Variants in CPEB2 observed in about 807,000 individuals in gnomAD.
CPEB2 encodes the protein cytoplasmic polyadenylation element binding protein 2.
Under a neutral mutation model 93.6 loss-of-function variants are expected in CPEB2, and 56 were observed. The observed-to-expected ratio is 0.60, with a 90% CI of 0.48 to 0.75. The LOEUF (loss-of-function observed/expected upper bound fraction) is 0.75. Ranked by LOEUF, CPEB2 falls within the 30% of genes least tolerant of loss-of-function variation. CPEB2 has a pLI of 0.00. For synonymous variants in CPEB2, 764 were observed against 586.3 expected, an observed-to-expected ratio of 1.30 and a Z score of -4.38; for missense variants, 1,579 against 1,395.1, an observed-to-expected ratio of 1.13 and a Z score of -2.10.
Position 15,003,353 on chromosome 4 carries a change from G to T in CPEB2, c.680G>T (p.Arg227Leu). 1.4e-6 allele frequency: 2 copies of T among 1,389,644 alleles called. No homozygotes were observed. 86.1% of individuals were successfully genotyped at this position (1,389,644 alleles called of 1,614,324 possible). A position where few individuals can be genotyped will look rare whatever the true frequency, so the allele number is the denominator to read the frequency against. ...CTCCAGCCGGCGCAGCTCGCTCAGC[G>T]CCAGCAGCAACAGCCGCCGCAGCAG... is the stretch of plus-strand genomic sequence containing the variant. ...PLLQPAQLAQ[R>L]QQQQPPQQFS... The change falls in exon 1 of 12, where the codon CGC becomes CTC. Residue 227 changes from arginine to leucine, a missense_variant. Around this residue, in one of 2 missense-constraint regions of CPEB2, gnomAD observed 1,411 missense variants for 1,056.0 expected, o/e 1.34. Transcript: ENST00000538197.
chr4:15,061,515 T>C (rs1049510568), intron 10 of CPEB2, among the ~76,000 whole-genome samples: 1 of 151,560 alleles, frequency 6.6e-6, no homozygotes, highest in Non-Finnish European at 1.5e-5. Flanking sequence ...AGTGGAGTCA[T>C]GGTGTGATAG....
In CPEB2 at chr4:15,069,671, T is replaced by C. The variant is rs923504544; in HGVS notation, c.*3291T>C. ...TATTTTGTATTTTTATGTGGAAATA[T>C]ATAATTTTATGACACTAATTGCTAA... On this transcript the variant is annotated 3_prime_UTR_variant, in exon 12 of 12. Transcript: ENST00000538197. 3.9e-5 allele frequency: 6 copies of C among 152,202 alleles called. No homozygotes were observed. Among genetic ancestry groups the C allele is most frequent in the African/African-American group, 1.4e-4 (6 of 41,422 alleles). 9.4% of individuals were successfully genotyped at this position (152,202 alleles called of 1,614,324 possible). A position where few individuals can be genotyped will look rare whatever the true frequency, so the allele number is the denominator to read the frequency against.
intron 11 of CPEB2, among the ~76,000 whole-genome samples, chr4:15,062,945 G>A (rs1437871515): frequency 6.6e-6 from 1 of 151,990 alleles, no homozygotes. Flanking sequence ...AAAGACACTA[G>A]CATTCATTTA....
intron 4 of CPEB2, among the ~76,000 whole-genome samples, chr4:15,028,179 C>T (rs4367169): frequency 0.89 from 135,875 of 152,100 alleles, 61,653 homozygotes; most frequent in Non-Finnish European, 0.98. Flanking sequence ...AGTTCATTTC[C>T]TCTATTAACT....
At chr4:15,058,325 T>G (rs114804344) in intron 8 of CPEB2, 96 bp from the exon 9 acceptor site, 23,727 of 702,506 alleles carry the variant, frequency 0.034, 868 homozygotes, top group South Asian at 0.13. Flanking sequence ...TAGTTTGTTT[T>G]TTTTTTTCAA....
chr4:15,034,502 G>T (rs1726415535), intron 5 of CPEB2, among the ~76,000 whole-genome samples: 1 of 152,138 alleles, frequency 6.6e-6, no homozygotes, highest in African/African-American at 2.4e-5. Flanking sequence ...GGACAAGTCG[G>T]CTTTGTGTAT....
At chr4:15,042,175 C>A (rs1019964961) in intron 6 of CPEB2, among the ~76,000 whole-genome samples, 2 of 152,100 alleles carry the variant, frequency 1.3e-5, no homozygotes, top group African/African-American at 2.4e-5. Flanking sequence ...CCTTGTTAAA[C>A]ATTTTTCATC....
Position 15,069,353 on chromosome 4 carries a change from CAG to C in CPEB2, c.*2974_*2975del, listed in dbSNP as rs1310412438. On this transcript the variant is annotated 3_prime_UTR_variant, in exon 12 of 12. Transcript: ENST00000538197. The stretch of plus-strand genomic sequence containing the variant: ...TTTCTAATGTTTGTATAAAAAAAAA[CAG>C]TGTAAACCTTTTTAATGCAAATTTA... 2 of 152,086 alleles carry C rather than the reference CAG, an allele frequency of 1.3e-5. No individual in the cohort carries two copies. The highest frequency in any genetic ancestry group is 4.8e-5 in the African/African-American group (2 of 41,346). 9.4% of individuals were successfully genotyped at this position (152,086 alleles called of 1,614,324 possible). A position where few individuals can be genotyped will look rare whatever the true frequency, so the allele number is the denominator to read the frequency against.
intron 3 of CPEB2, among the ~76,000 whole-genome samples, chr4:15,010,313 A>G (rs922127447): frequency 6.6e-6 from 1 of 152,046 alleles, no homozygotes; most frequent in Admixed American, 6.6e-5. Flanking sequence ...TGTTTTGGCC[A>G]TTTCTTTTCC....
intron 5 of CPEB2, among the ~76,000 whole-genome samples, chr4:15,034,134 T>TG (rs1446310240): frequency 6.6e-6 from 1 of 152,142 alleles, no homozygotes; most frequent in Non-Finnish European, 1.5e-5. Context: ...TGAGAAAAAT[T>TG]GAAGAAGGCA....
intron 5 of CPEB2, among the ~76,000 whole-genome samples, chr4:15,035,091 A>T (rs1726480121): frequency 6.6e-6 from 1 of 152,226 alleles, no homozygotes; most frequent in Admixed American, 6.5e-5. Flanking sequence ...AGTATTACAC[A>T]TTTAACTCAC....
At chr4:15,019,315 TTTTTTTTCCTTTCTTTTCTTATTAATA>T (rs1311589306) in intron 4 of CPEB2, among the ~76,000 whole-genome samples, 1 of 151,916 alleles carries the variant, frequency 6.6e-6, no homozygotes, top group Non-Finnish European at 1.5e-5. Flanking sequence ...TTTAAGTCTT[TTTTTTTTCCTTTCTTTTCTTATTAATA>T]CAAATTCCAC....
chr4:15,008,500 T>C (rs1356680997), intron 3 of CPEB2, 73 bp downstream of exon 3: 1 of 979,276 alleles, frequency 1.0e-6, no homozygotes, highest in East Asian at 2.7e-5. Context: ...TAGGATTTAT[T>C]ATTTACTTTC....
intron 6 of CPEB2, among the ~76,000 whole-genome samples, chr4:15,045,605 G>A (rs1472089134): frequency 1.3e-5 from 2 of 151,890 alleles, no homozygotes; most frequent in Non-Finnish European, 2.9e-5. Flanking sequence ...AAGACCATAA[G>A]CAAAAAAAAT....
rs1485423051 is a variant in CPEB2 at position 15,069,594 on chromosome 4, T to TTATTG, written c.*3216_*3217insTTGTA. The TTATTG allele has an allele frequency of 4.6e-5, 7 of 152,104 alleles. No individual in the cohort carries two copies. Among genetic ancestry groups the TTATTG allele is most frequent in the Admixed American group, 3.3e-4 (5 of 15,178 alleles). 9.4% of individuals were successfully genotyped at this position (152,104 alleles called of 1,614,324 possible). On this transcript the variant is annotated 3_prime_UTR_variant, in exon 12 of 12. Transcript: ENST00000538197. ...TTGTTTTTTTGGGTTTTATTTTATT[T>TTATTG]TAATAGTAGTAAAATACTTGGAATA... is the stretch of plus-strand genomic sequence containing the variant.
chr4:15,048,976 T>C (rs573024277), intron 6 of CPEB2, among the ~76,000 whole-genome samples: 4 of 152,216 alleles, frequency 2.6e-5, no homozygotes, highest in African/African-American at 9.6e-5. Context: ...TAACTCTTCT[T>C]TTAAATGAGT....
chr4:15,040,464 C>A lies in CPEB2; in HGVS notation c.2177C>A (p.Ala726Glu). 5.2e-6 allele frequency: 8 copies of A among 1,536,276 alleles called. No homozygotes were observed. Among genetic ancestry groups the A allele is most frequent in the Non-Finnish European group, 6.1e-6 (7 of 1,146,856 alleles). ...CAATTTGTGCTTTGTTTACATGCAG[C>A]AAGGAGTTATGGGCGAAGACGAGGT... ...PGTDNLLMLN[A>E]RSYGRRRGRS... is the part of the protein sequence containing the mutation. Residue 726 changes from alanine (A) to glutamate (E), a missense_variant and splice_region_variant, in exon 6 of 12, where the codon GCA (alanine) becomes GAA (glutamate). By Grantham distance (107) the Ala-to-Glu change is moderately radical. Coordinates refer to ENST00000538197, the MANE Select transcript of CPEB2 (RefSeq NM_001177382.2).
rs1255397485 is a variant in CPEB2, at chr4:15,003,978, C to T, written c.1305C>T (p.Leu435=). ...CGGGCGGCGGCAGCGGCGGCTCGCT[C>T]AGCGCCATGCCGCCGCCCAGCCCCG... is the stretch of plus-strand genomic sequence containing the variant. ...TTPGGGSGGS[L]SAMPPPSPDS... is the part of the protein sequence containing the mutation. Residue 435 remains leucine, a synonymous_variant, in exon 1 of 12, where the codon CTC becomes CTT. Coordinates refer to ENST00000538197, the MANE Select transcript of CPEB2 (RefSeq NM_001177382.2). 1 of 1,450,180 alleles carries T rather than the reference C, an allele frequency of 6.9e-7. No homozygotes were observed. The highest frequency in any genetic ancestry group is 1.4e-5 in the South Asian group (1 of 70,654). The allele number at this position is 1,450,180 out of a possible 1,614,324, so 89.8% of individuals were successfully genotyped here. A position where few individuals can be genotyped will look rare whatever the true frequency, so the allele number is the denominator to read the frequency against.
rs1049350995 is a variant in CPEB2 at position 15,003,584 on chromosome 4, C to A, written c.911C>A (p.Ser304Ter). 3.6e-4 allele frequency: 524 copies of A among 1,475,440 alleles called. 1 individual carries two copies. The Admixed American group carries it at 3.7e-3, about 10-fold the overall frequency. The allele number at this position is 1,475,440 out of a possible 1,614,324, so 91.4% of individuals were successfully genotyped here. The change falls in exon 1 of 12, where the codon TCG becomes TAG. Residue 304 changes from serine (S) to a stop codon, truncating the protein, a stop_gained. Transcript: ENST00000538197. LOFTEE classifies it high-confidence loss of function. Reference protein sequence around the residue: ...AESPNAGLASSTPVNPAPGSM... With the variant: ...AESPNAGLAS Reference sequence around the variant, plus strand: ...TCCCCCAATGCGGGCTTGGCCTCCTCGACGCCGGTGAACCCCGCGCCGGGC... The same window carrying A: ...TCCCCCAATGCGGGCTTGGCCTCCTAGACGCCGGTGAACCCCGCGCCGGGC...
Sources: allele counts gnomAD v4.1 joint callset (sites outside exome capture counted in the v4.1 genomes callset), GRCh38; gene constraint gnomAD v4.1.1; regional missense constraint gnomAD v4.1.1; transcripts MANE v1.5; gene names NCBI Gene and HGNC (gene_info 2026-07-23, HGNC 2026-07-21).